Variants in ADGRA1 observed in about 807,000 individuals in gnomAD.
ADGRA1 encodes the protein G-protein coupled receptor 123.
In ADGRA1, 12 loss-of-function variants were observed where a neutral mutation model predicts 21.3. That is an observed-to-expected ratio of 0.56 (90% CI 0.36 to 0.91). The LOEUF (loss-of-function observed/expected upper bound fraction) is 0.91. ADGRA1 is among the 40% of genes least tolerant of loss of function. The pLI, the probability that ADGRA1 is intolerant of heterozygous loss-of-function variation, is 0.01. For synonymous variants in ADGRA1, 385 were observed against 368.8 expected (o/e 1.04, Z -0.50); for missense variants, 790 against 805.6 (o/e 0.98, Z 0.23).
chr10:133,113,148 G>A (rs1258496558), intron 5 of ADGRA1, among the ~76,000 whole-genome samples: 8 of 40,640 alleles, frequency 2.0e-4, no homozygotes, highest in East Asian at 2.2e-3. Flanking sequence ...GGGCCACGTC[G>A]GTTATTTGAG....
Position 133,102,668 on chromosome 10 carries a change from G to A in ADGRA1, c.256-29G>A, listed in dbSNP as rs780563295. ...GCTCTGGGGGGTGGGTGCCCGCCAA[G>A]GGCCTGGCTGACCGCTGCTCCCCCA... is the stretch of plus-strand genomic sequence containing the variant. On this transcript the variant is annotated intron_variant, in intron 4 of 6. Coordinates refer to ENST00000392607, the MANE Select transcript of ADGRA1 (RefSeq NM_001083909.3). The A allele has an allele frequency of 2.5e-6, 4 of 1,587,500 alleles. No homozygotes were observed. The South Asian group carries it at 3.3e-5, about 13-fold the overall frequency.
rs138943715 is a variant in ADGRA1 at position 133,090,040 on chromosome 10, A to G, written c.3+1128A>G. Among the ~76,000 whole-genome samples the G allele has an allele frequency of 8.7e-4, 132 of 152,340 alleles. 2 individuals are homozygous for G. The East Asian group carries it at 0.022, about 26-fold the overall frequency. ...CAGTTGGCAGGATCTGTGGCTTTTC[A>G]GCCTCAAATTGAGACCCTTATTTGC... is the stretch of plus-strand genomic sequence containing the variant. On this transcript the variant is annotated intron_variant, in intron 2 of 6. Coordinates refer to ENST00000392607, the MANE Select transcript of ADGRA1 (RefSeq NM_001083909.3).
intron 4 of ADGRA1, chr10:133,102,250 T>G: frequency 2.1e-6 from 1 of 474,534 alleles, no homozygotes; most frequent in East Asian, 6.3e-5. Context: ...GCCGTCCCCG[T>G]GGGGGGCTCA....
intron 5 of ADGRA1, among the ~76,000 whole-genome samples, chr10:133,121,688 G>T (rs1258805126): frequency 6.7e-6 from 1 of 150,356 alleles, no homozygotes; most frequent in Non-Finnish European, 1.5e-5. Flanking sequence ...GTGCATGTGA[G>T]TGCCTGTGCA....
intron 5 of ADGRA1, among the ~76,000 whole-genome samples, chr10:133,111,033 G>A (rs1372327089): frequency 1.3e-5 from 2 of 151,920 alleles, no homozygotes; most frequent in African/African-American, 4.8e-5. Context: ...GGTAGGCTGG[G>A]CCACCTGCCC....
chr10:133,122,305 C>T (rs1158714612), intron 5 of ADGRA1, among the ~76,000 whole-genome samples: 1 of 152,162 alleles, frequency 6.6e-6, no homozygotes, highest in Non-Finnish European at 1.5e-5. Flanking sequence ...CGTGGCAGGA[C>T]CACACCTGCA....
rs1852027883 is a variant in ADGRA1 at position 133,111,911 on chromosome 10, CT to C, written c.401+9070del. ...ACCACAGACACCTCCCTCCTAATGC[CT>C]CCAGACCACCTGCCCGCCGTGAGCA... On this transcript the variant is annotated intron_variant, in intron 5 of 6. Transcript: ENST00000392607. Among the ~76,000 whole-genome samples the C allele has an allele frequency of 3.4e-5, 3 of 87,996 alleles. 1 individual carries two copies. The highest frequency in any genetic ancestry group is 1.2e-4 in the Admixed American group (1 of 8,600). The allele number at this position is 87,996 out of a possible 152,430, so 57.7% of individuals were successfully genotyped here. A position where few individuals can be genotyped will look rare whatever the true frequency, so the allele number is the denominator to read the frequency against.
chr10:133,119,370 G>A (rs1350822867), intron 5 of ADGRA1, among the ~76,000 whole-genome samples: 1 of 152,184 alleles, frequency 6.6e-6, no homozygotes, highest in East Asian at 1.9e-4. Flanking sequence ...GGTGGTGGCA[G>A]AAGGCTGGGG....
intron 4 of ADGRA1, among the ~76,000 whole-genome samples, chr10:133,100,880 C>G (rs1851779312): frequency 6.6e-6 from 1 of 152,180 alleles, no homozygotes; most frequent in East Asian, 1.9e-4. Flanking sequence ...GTGGGAGGTG[C>G]CTGCCGGACG....
intron 4 of ADGRA1, 30 bp downstream of exon 4, chr10:133,098,793 T>C: frequency 6.3e-7 from 1 of 1,596,460 alleles, no homozygotes; most frequent in Non-Finnish European, 8.5e-7. Context: ...CGTTGGCTCC[T>C]CCCAGAGGGG....
chr10:133,127,086 G>C, intron 5 of ADGRA1, 147 bp from the exon 6 acceptor site: 1 of 475,586 alleles, frequency 2.1e-6, no homozygotes, highest in African/African-American at 2.1e-5. Flanking sequence ...TCGGGGGTCG[G>C]GGGTCGGGGG....
intron 5 of ADGRA1, among the ~76,000 whole-genome samples, chr10:133,121,887 T>G (rs1337152022): frequency 6.7e-6 from 1 of 149,338 alleles, no homozygotes; most frequent in Non-Finnish European, 1.5e-5. Flanking sequence ...TGTGTGCCAG[T>G]GTGCGTGCGT....
intron 5 of ADGRA1, among the ~76,000 whole-genome samples, chr10:133,107,435 C>G (rs1421751756): frequency 6.6e-6 from 1 of 152,070 alleles, no homozygotes. Flanking sequence ...TTTTCTTGAT[C>G]TGTTTAAAGA....
chr10:133,129,689 TTCCTTGTGATCACACCCCTGCCC>T lies in ADGRA1; in HGVS notation c.*179_*201del. The T allele has an allele frequency of 4.4e-6, 1 of 229,012 alleles. No individual in the cohort carries two copies. 14.2% of individuals were successfully genotyped at this position (229,012 alleles called of 1,614,324 possible). ...TTCCTTGTGATCACACCCCTGCCCC[TTCCTTGTGATCACACCCCTGCCC>T]CTTCCTTGTGAAAGACCTCAGCGGG... On this transcript the variant is annotated 3_prime_UTR_variant, in exon 7 of 7. Coordinates refer to ENST00000392607, the MANE Select transcript of ADGRA1 (RefSeq NM_001083909.3).
At chr10:133,100,324 C>T (rs567595342) in intron 4 of ADGRA1, among the ~76,000 whole-genome samples, 1 of 152,374 alleles carries the variant, frequency 6.6e-6, no homozygotes, top group East Asian at 1.9e-4. Flanking sequence ...ACGCCATTGA[C>T]GTCCCGCCTG....
At chr10:133,101,611 G>T (rs1851796639) in intron 4 of ADGRA1, among the ~76,000 whole-genome samples, 1 of 152,214 alleles carries the variant, frequency 6.6e-6, no homozygotes, top group South Asian at 2.1e-4. Flanking sequence ...CAGCCCCACG[G>T]CTGCTTCCTG....
rs748768354 is a variant in ADGRA1, at chr10:133,130,646, CCA to C, written c.*1150_*1151del. Reference sequence around the variant, plus strand: ...CTCCTTGTCTGTGACACATGTGCACCCACACACACACACACAAACACATGTGC... The same window carrying C: ...CTCCTTGTCTGTGACACATGTGCACCCACACACACACACAAACACATGTGC... On this transcript the variant is annotated 3_prime_UTR_variant, in exon 7 of 7. Coordinates refer to ENST00000392607, the MANE Select transcript of ADGRA1 (RefSeq NM_001083909.3). 2.9e-3 allele frequency: 314 copies of C among 109,244 alleles called. 2 individuals are homozygous for C. The highest frequency in any genetic ancestry group is 6.8e-3 in the African/African-American group (181 of 26,464). The allele number at this position is 109,244 out of a possible 1,614,324, so 6.8% of individuals were successfully genotyped here. A position where few individuals can be genotyped will look rare whatever the true frequency, so the allele number is the denominator to read the frequency against.
intron 5 of ADGRA1, among the ~76,000 whole-genome samples, chr10:133,108,392 G>A (rs1245476205): frequency 6.6e-6 from 1 of 152,148 alleles, no homozygotes; most frequent in Non-Finnish European, 1.5e-5. Context: ...ATGGACTCTT[G>A]GCACTGCTAA....
At chr10:133,120,420 A>G (rs1852232819) in intron 5 of ADGRA1, among the ~76,000 whole-genome samples, 1 of 152,096 alleles carries the variant, frequency 6.6e-6, no homozygotes, top group Non-Finnish European at 1.5e-5. Flanking sequence ...AAGAAAAAAA[A>G]TATATCTTGT....
Sources: allele counts gnomAD v4.1 joint callset (sites outside exome capture counted in the v4.1 genomes callset), GRCh38; gene constraint gnomAD v4.1.1; transcripts MANE v1.5; gene names NCBI Gene and HGNC (gene_info 2026-07-23, HGNC 2026-07-21).